Variants in HDAC8 observed in about 807,000 individuals in gnomAD.
The protein encoded by HDAC8 is histone deacetylase 8.
A neutral mutation model predicts 32.2 loss-of-function variants in HDAC8; 1 was observed. The ratio of observed to expected loss-of-function variants is 0.03; its 90% confidence interval spans 0.01 to 0.15. HDAC8 has a LOEUF of 0.15. Ranked by LOEUF, HDAC8 falls within the 10% of genes least tolerant of loss-of-function variation. HDAC8 has a pLI of 1.00. For synonymous variants in HDAC8, 108 were observed against 113.9 expected, an observed-to-expected ratio of 0.95 and a Z score of 0.33; for missense variants, 117 against 300.0, an observed-to-expected ratio of 0.39 and a Z score of 4.51.
chrX:72,391,860 A>T (rs1555963972), intron 9 of HDAC8, among the ~76,000 whole-genome samples: 1 of 111,262 alleles, frequency 9.0e-6, no homozygotes, highest in African/African-American at 3.3e-5. Context: ...CTTTGCAAGG[A>T]ACCTCTACTC....
chrX:72,350,685 G>A (rs894822469), intron 10 of HDAC8, among the ~76,000 whole-genome samples: 10 of 112,300 alleles, frequency 8.9e-5, no homozygotes, highest in African/African-American at 2.9e-4. Context: ...CCAAAAATAC[G>A]TAATGCGAAT....
chrX:72,391,932 C>T, intron 9 of HDAC8, among the ~76,000 whole-genome samples: 2 of 111,795 alleles, frequency 1.8e-5, no homozygotes, highest in Middle Eastern at 9.2e-3. Flanking sequence ...AATCAGGGCA[C>T]ACCTCTGATT....
At chrX:72,529,380 A>G (rs782482894) in intron 4 of HDAC8, among the ~76,000 whole-genome samples, 8 of 111,861 alleles carry the variant, frequency 7.2e-5, no homozygotes, top group Non-Finnish European at 1.5e-4. Context: ...GAAGAGAAGG[A>G]AGCTATGTGA....
chrX:72,350,396 G>A (rs1201764281), intron 10 of HDAC8, among the ~76,000 whole-genome samples: 4 of 111,598 alleles, frequency 3.6e-5, no homozygotes, highest in Non-Finnish European at 7.5e-5. Flanking sequence ...GTGGATAGGG[G>A]CATTAATGTA....
chrX:72,435,097 T>C (rs911228253), intron 9 of HDAC8, among the ~76,000 whole-genome samples: 1 of 112,588 alleles, frequency 8.9e-6, no homozygotes, highest in Admixed American at 9.4e-5. Flanking sequence ...TTCTGGCTTC[T>C]GGTAATGGTG....
intron 4 of HDAC8, among the ~76,000 whole-genome samples, chrX:72,503,539 A>G (rs2049292577): frequency 8.9e-6 from 1 of 111,877 alleles, no homozygotes; most frequent in Admixed American, 9.5e-5. Flanking sequence ...ATTCATAACT[A>G]TCTAGTAGAC....
intron 9 of HDAC8, among the ~76,000 whole-genome samples, chrX:72,453,676 T>G (rs939894712): frequency 1.3e-4 from 15 of 111,286 alleles, no homozygotes; most frequent in Non-Finnish European, 3.8e-5. Flanking sequence ...TGATAAAAAC[T>G]ATAAACCCAC....
chrX:72,438,502 T>C (rs1376110269), intron 9 of HDAC8, among the ~76,000 whole-genome samples: 1 of 111,426 alleles, frequency 9.0e-6, no homozygotes, highest in Non-Finnish European at 1.9e-5. Context: ...AGGTGGGTAA[T>C]AACAAACTCC....
chrX:72,485,153 C>T (rs1221305759), intron 7 of HDAC8, among the ~76,000 whole-genome samples: 1 of 111,392 alleles, frequency 9.0e-6, no homozygotes, highest in East Asian at 2.8e-4. Flanking sequence ...GGACTATAGG[C>T]TTCCATTTGA....
In HDAC8 at chrX:72,329,580, T is replaced by G. The variant is rs1602490179; in HGVS notation, c.*474A>C. 2.1e-6 allele frequency: 2 copies of G among 972,388 alleles called. No homozygotes were observed. The highest frequency in any genetic ancestry group is 3.4e-5 in the East Asian group (1 of 29,719). The allele number at this position is 972,388 out of a possible 1,213,427, so 80.1% of individuals were successfully genotyped here. On this transcript the variant is annotated 3_prime_UTR_variant, in exon 11 of 11. Transcript: ENST00000373573. ...TAACACTAAAACAACACCAGCGGAC[T>G]TCTCCCCACCTCCCAGTCTGCTGAT...
chrX:72,404,440 T>C (rs902099954), intron 9 of HDAC8, among the ~76,000 whole-genome samples: 6 of 111,423 alleles, frequency 5.4e-5, no homozygotes, highest in Non-Finnish European at 9.4e-5. Flanking sequence ...CCATGCTTTT[T>C]GTCTTTTTTT....
chrX:72,405,516 T>G (rs2046013579), intron 9 of HDAC8, among the ~76,000 whole-genome samples: 1 of 112,488 alleles, frequency 8.9e-6, no homozygotes, highest in African/African-American at 3.2e-5. Flanking sequence ...TATTTCTGTC[T>G]TCAGGTCTTT....
intron 9 of HDAC8, among the ~76,000 whole-genome samples, chrX:72,358,071 A>AT (rs1387558848): frequency 9.2e-6 from 1 of 108,760 alleles, no homozygotes; most frequent in Non-Finnish European, 1.9e-5. Context: ...CGTCTGGCTA[A>AT]TTTTTTTGTA....
chrX:72,370,767 TG>T (rs2044850492), intron 9 of HDAC8, among the ~76,000 whole-genome samples: 1 of 112,164 alleles, frequency 8.9e-6, no homozygotes, highest in Non-Finnish European at 1.9e-5. Flanking sequence ...TGGAGTCTGA[TG>T]TTCGAGGGCA....
At chrX:72,437,660 G>A (rs539168928) in intron 9 of HDAC8, among the ~76,000 whole-genome samples, 2 of 111,910 alleles carry the variant, frequency 1.8e-5, no homozygotes, top group African/African-American at 6.5e-5. Context: ...GTGGGGTGAG[G>A]GGTGTCCACC....
intron 4 of HDAC8, among the ~76,000 whole-genome samples, chrX:72,514,940 T>C (rs1362041541): frequency 9.0e-6 from 1 of 111,525 alleles, no homozygotes; most frequent in African/African-American, 3.3e-5. Flanking sequence ...TTAAAAATGA[T>C]ATATATTCAG....
At chrX:72,339,253 T>C (rs1190474739) in intron 10 of HDAC8, among the ~76,000 whole-genome samples, 1 of 112,305 alleles carries the variant, frequency 8.9e-6, no homozygotes, top group African/African-American at 3.2e-5. Flanking sequence ...TTTCTGTCCA[T>C]TTATTGCCTA....
chrX:72,547,822 A>C (rs2050909911), intron 4 of HDAC8, among the ~76,000 whole-genome samples: 1 of 112,236 alleles, frequency 8.9e-6, no homozygotes, highest in African/African-American at 3.2e-5. Flanking sequence ...CCTACTATAT[A>C]GCTCAACATA....
intron 9 of HDAC8, among the ~76,000 whole-genome samples, chrX:72,401,231 C>G (rs1740695643): frequency 9.0e-6 from 1 of 111,671 alleles, no homozygotes; most frequent in South Asian, 3.7e-4. Context: ...ATCTTTGTTC[C>G]ACTTGTTATT....
Sources: allele counts gnomAD v4.1 joint callset (sites outside exome capture counted in the v4.1 genomes callset), GRCh38; gene constraint gnomAD v4.1.1; transcripts MANE v1.5; gene names NCBI Gene and HGNC (gene_info 2026-07-23, HGNC 2026-07-21).